CCDC18: variants seen among roughly 807,000 people sequenced by gnomAD.
The protein encoded by CCDC18 is coiled-coil domain containing 18, also known as coiled-coil domain-containing protein 18.
In CCDC18, 157 loss-of-function variants were observed where a neutral mutation model predicts 196.0. The ratio of observed to expected loss-of-function variants is 0.80; its 90% CI spans 0.70 to 0.91. The LOEUF (loss-of-function observed/expected upper bound fraction) is 0.91, where lower values mean the gene tolerates loss of function less well. Among genes scored for constraint, CCDC18 ranks in the 40% least tolerant of loss-of-function variants. The pLI, the probability that CCDC18 is intolerant of heterozygous loss-of-function variation, is 0.00. For synonymous variants in CCDC18, 482 were observed against 529.2 expected (o/e 0.91, Z 1.22); for missense variants, 1,465 against 1,611.6 (o/e 0.91, Z 1.56).
intron 28 of CCDC18, chr1:93,271,553 A>G: frequency 1.0e-6 from 1 of 982,728 alleles, no homozygotes; most frequent in Non-Finnish European, 1.2e-6. Context: ...ACCCACTCTA[A>G]GCTGGGTGCA....
chr1:93,228,368 A>C (rs1007711571), intron 17 of CCDC18, among the ~76,000 whole-genome samples: 4 of 152,170 alleles, frequency 2.6e-5, no homozygotes, highest in African/African-American at 9.7e-5. Flanking sequence ...CTAGAGGGCA[A>C]AGGAGGCCAA....
chr1:93,186,772 A>G (rs1297453076), intron 4 of CCDC18, among the ~76,000 whole-genome samples: 3 of 152,022 alleles, frequency 2.0e-5, no homozygotes, highest in Non-Finnish European at 4.4e-5. Context: ...TATTTTTTAT[A>G]CAAAGGAAGT....
chr1:93,246,240 CTGTTATG>C (rs781050133), intron 22 of CCDC18, 36 bp downstream of exon 22: 2 of 1,444,114 alleles, frequency 1.4e-6, no homozygotes, highest in Non-Finnish European at 1.9e-6. Context: ...ATGGAGTTTT[CTGTTATG>C]ACACAGTCAC....
At chr1:93,248,604 A>G (rs1469575691) in intron 23 of CCDC18, among the ~76,000 whole-genome samples, 1 of 152,066 alleles carries the variant, frequency 6.6e-6, no homozygotes, top group Non-Finnish European at 1.5e-5. Context: ...TTCATCAGGG[A>G]TATTGGCCTG....
At position 93,277,728 on chromosome 1, in the gene CCDC18, A is replaced by T. The variant is rs150533723; in HGVS notation, c.4354-735A>T. 4.5e-3 allele frequency among the ~76,000 whole-genome samples: 683 copies of T among 151,898 alleles called. 1 individual carries two copies. The highest frequency in any genetic ancestry group is 7.3e-3 in the Non-Finnish European group (498 of 67,920). ...TCTACACAGACACAGTAACAATCTGATCTCTCTTGCTTTTCCCCACATAAT... is the reference window on the plus strand; with the variant it reads ...TCTACACAGACACAGTAACAATCTGTTCTCTCTTGCTTTTCCCCACATAAT... On this transcript the variant is annotated intron_variant, in intron 28 of 28. Transcript: ENST00000690025.
At chr1:93,276,267 G>A (rs1331689712) in intron 28 of CCDC18, among the ~76,000 whole-genome samples, 3 of 152,188 alleles carry the variant, frequency 2.0e-5, no homozygotes, top group East Asian at 1.9e-4. Context: ...CTTCCATTGA[G>A]AGTAAAGCCT....
At chr1:93,278,429 TC>T (rs1219015526) in intron 28 of CCDC18, 33 bp from the exon 29 acceptor site, 2 of 910,912 alleles carry the variant, frequency 2.2e-6, no homozygotes, top group South Asian at 4.3e-5. Context: ...TAGGAATATT[TC>T]AAATATTAAT....
chr1:93,198,172 C>T (rs1332826130), intron 6 of CCDC18, among the ~76,000 whole-genome samples: 1 of 152,150 alleles, frequency 6.6e-6, no homozygotes, highest in African/African-American at 2.4e-5. Context: ...TTCAACAAAA[C>T]TTAGTCCCTG....
intron 27 of CCDC18, among the ~76,000 whole-genome samples, chr1:93,266,806 C>T (rs1256979356): frequency 6.6e-6 from 1 of 152,114 alleles, no homozygotes; most frequent in Non-Finnish European, 1.5e-5. Context: ...TAATTAATAG[C>T]CTACCAACCA....
At chr1:93,278,122 G>C (rs529315425) in intron 28 of CCDC18, among the ~76,000 whole-genome samples, 1 of 151,994 alleles carries the variant, frequency 6.6e-6, no homozygotes, top group East Asian at 1.9e-4. Flanking sequence ...GACTAGCTGG[G>C]ATTACAGACG....
intron 18 of CCDC18, among the ~76,000 whole-genome samples, chr1:93,233,618 G>A (rs923180798): frequency 3.7e-5 from 5 of 134,606 alleles, no homozygotes; most frequent in Non-Finnish European, 6.1e-5. Flanking sequence ...TTTTTTTTGA[G>A]ACGGAGTTTC....
intron 8 of CCDC18, 147 bp from the exon 9 acceptor site, chr1:93,206,960 G>C: frequency 2.0e-6 from 1 of 493,192 alleles, no homozygotes; most frequent in South Asian, 3.6e-5. Context: ...TGAGTGCCTG[G>C]CATGCAGAAA....
chr1:93,180,806 C>T lies in CCDC18; in HGVS notation c.-49C>T, dbSNP rs781258552. ...CACGCGCAGGGGCCCGGGAAAGGGT[C>T]AGAGGCTTCCTAACGCAGACTCGAG... On this transcript the variant is annotated 5_prime_UTR_variant, in exon 1 of 29. Transcript: ENST00000690025. The T allele has an allele frequency of 7.3e-7, 1 of 1,367,822 alleles. No individual in the cohort carries two copies. Among genetic ancestry groups the T allele is most frequent in the South Asian group, 1.1e-5 (1 of 88,042 alleles). The allele number at this position is 1,367,822 out of a possible 1,614,324, so 84.7% of individuals were successfully genotyped here.
At chr1:93,260,109 C>T (rs553507713) in intron 26 of CCDC18, among the ~76,000 whole-genome samples, 4 of 152,296 alleles carry the variant, frequency 2.6e-5, no homozygotes, top group Admixed American at 1.3e-4. Context: ...GCCAGCCGGG[C>T]GCAGTGGCTC....
chr1:93,232,616 T>G (rs774179215), intron 18 of CCDC18, 23 bp downstream of exon 18: 14 of 1,486,410 alleles, frequency 9.4e-6, no homozygotes, highest in Non-Finnish European at 1.2e-5. Context: ...AGCCCAAGAT[T>G]GTTTTATTTG....
intron 26 of CCDC18, among the ~76,000 whole-genome samples, chr1:93,262,513 T>G (rs1443690122): frequency 6.6e-6 from 1 of 152,214 alleles, no homozygotes; most frequent in Non-Finnish European, 1.5e-5. Flanking sequence ...AGTCATTAAA[T>G]GTTAAAGCTC....
At chr1:93,197,881 A>G (rs1223225891) in intron 6 of CCDC18, among the ~76,000 whole-genome samples, 1 of 148,664 alleles carries the variant, frequency 6.7e-6, no homozygotes, top group Non-Finnish European at 1.5e-5. Context: ...CCTCTCTAGT[A>G]GCTGGGACTA....
chr1:93,228,735 C>G (rs1359297404), intron 17 of CCDC18, among the ~76,000 whole-genome samples: 1 of 150,612 alleles, frequency 6.6e-6, no homozygotes, highest in Non-Finnish European at 1.5e-5. Flanking sequence ...ATTATTTTGG[C>G]ATTTATTCTA....
chr1:93,278,385 G>A (rs1279432102), intron 28 of CCDC18, 78 bp from the exon 29 acceptor site: 1 of 549,126 alleles, frequency 1.8e-6, no homozygotes. Flanking sequence ...TTATACTCCT[G>A]TTATTATGGT....
Sources: gnomAD v4.1 joint callset for allele counts (sites outside exome capture counted in the v4.1 genomes callset) on GRCh38, gnomAD v4.1.1 for gene constraint, MANE v1.5 for transcripts, NCBI Gene and HGNC (gene_info 2026-07-23, HGNC 2026-07-21) for gene names.